ANO10: variants seen among roughly 807,000 people sequenced by gnomAD.
The protein encoded by ANO10 is anoctamin-10.
ANO10 carries 77 observed loss-of-function variants against 74.7 expected under a neutral mutation model. The ratio of observed to expected loss-of-function variants is 1.03; its 90% CI spans 0.86 to 1.25. The LOEUF (loss-of-function observed/expected upper bound fraction) is 1.25, where lower values mean the gene tolerates loss of function less well. Ranked by LOEUF, ANO10 falls within the 50% of genes most tolerant of loss-of-function variation. The pLI, the probability that ANO10 is intolerant of heterozygous loss-of-function variation, is 0.00. For missense variants in ANO10, 721 were observed against 778.1 expected, an observed-to-expected ratio of 0.93 and a Z score of 0.87; for synonymous variants, 279 against 284.9, an observed-to-expected ratio of 0.98 and a Z score of 0.21.
chr3:43,385,449 AC>A (rs1213925144), intron 12 of ANO10, among the ~76,000 whole-genome samples: 2 of 152,194 alleles, frequency 1.3e-5, no homozygotes, highest in African/African-American at 4.8e-5. Context: ...CGAAAAAGAT[AC>A]TTGTAAATGC....
intron 12 of ANO10, among the ~76,000 whole-genome samples, chr3:43,404,769 A>G (rs2092544548): frequency 1.3e-5 from 2 of 150,714 alleles, no homozygotes; most frequent in South Asian, 4.3e-4. Context: ...CTGTGGTCTC[A>G]GGTACTCAGG....
At chr3:43,602,182 T>C (rs545476742) in intron 2 of ANO10, among the ~76,000 whole-genome samples, 1 of 152,284 alleles carries the variant, frequency 6.6e-6, no homozygotes, top group Admixed American at 6.5e-5. Flanking sequence ...TGCCCCCTCC[T>C]CCTTCTTTCC....
intron 11 of ANO10, among the ~76,000 whole-genome samples, chr3:43,434,224 C>A (rs1404645524): frequency 6.6e-6 from 1 of 152,198 alleles, no homozygotes; most frequent in African/African-American, 2.4e-5. Flanking sequence ...GTAAATGTGA[C>A]TGCCATGACC....
At chr3:43,587,219 C>T (rs1311683929) in intron 4 of ANO10, among the ~76,000 whole-genome samples, 1 of 152,150 alleles carries the variant, frequency 6.6e-6, no homozygotes, top group African/African-American at 2.4e-5. Context: ...AAAAGCCATA[C>T]AGATCAACAA....
chr3:43,438,407 AC>A (rs1326006942), intron 11 of ANO10, among the ~76,000 whole-genome samples: 1 of 151,880 alleles, frequency 6.6e-6, no homozygotes, highest in African/African-American at 2.4e-5. Context: ...TCACACCACC[AC>A]ACTCCAGCCT....
intron 1 of ANO10, among the ~76,000 whole-genome samples, chr3:43,612,140 T>TATATATA (rs2082851608): frequency 1.5e-5 from 1 of 64,552 alleles, no homozygotes; most frequent in Admixed American, 2.0e-4. Flanking sequence ...ATTAAATATT[T>TATATATA]TATATATATA....
chr3:43,627,600 G>T (rs934331529), intron 1 of ANO10, among the ~76,000 whole-genome samples: 1 of 152,234 alleles, frequency 6.6e-6, no homozygotes, highest in Non-Finnish European at 1.5e-5. Context: ...GCCACAGGAG[G>T]ATGGTTTCCT....
At chr3:43,574,490 C>T (rs1396304249) in intron 7 of ANO10, among the ~76,000 whole-genome samples, 2 of 152,036 alleles carry the variant, frequency 1.3e-5, no homozygotes, top group Non-Finnish European at 1.5e-5. Context: ...AGGCTGGTCT[C>T]GAACTCTTGA....
At chr3:43,611,478 T>C (rs1371458668) in intron 1 of ANO10, among the ~76,000 whole-genome samples, 4 of 152,226 alleles carry the variant, frequency 2.6e-5, no homozygotes, top group Non-Finnish European at 5.9e-5. Context: ...GTTAATTATG[T>C]CTAACTATTA....
rs373409734 is a variant in ANO10 at position 43,404,816 on chromosome 3, G to C, written c.1914+27795C>G. ...GAAGATCATTTGAGCCCAGGAAGTT[G>C]AGGCTGCAATGAGCCACTGCATTCC... On this transcript the variant is annotated intron_variant, in intron 12 of 12. Coordinates refer to ENST00000292246, the MANE Select transcript of ANO10 (RefSeq NM_018075.5). 2.1e-5 allele frequency among the ~76,000 whole-genome samples: 3 copies of C among 144,846 alleles called. No homozygotes were observed. In the East Asian group the frequency reaches 6.6e-4, roughly 32 times the overall value.
At chr3:43,659,816 C>A (rs1242086903) in intron 1 of ANO10, among the ~76,000 whole-genome samples, 1 of 152,162 alleles carries the variant, frequency 6.6e-6, no homozygotes, top group Admixed American at 6.5e-5. Context: ...CTGGAAGATG[C>A]CTCCCAGTAG....
intron 11 of ANO10, among the ~76,000 whole-genome samples, chr3:43,547,492 G>A (rs2079250506): frequency 6.6e-6 from 1 of 152,058 alleles, no homozygotes; most frequent in Non-Finnish European, 1.5e-5. Context: ...ATGCTTCCTG[G>A]CTTCTTCCTA....
intron 11 of ANO10, among the ~76,000 whole-genome samples, chr3:43,462,605 G>T (rs778135659): frequency 7.2e-5 from 11 of 152,136 alleles, no homozygotes; most frequent in Non-Finnish European, 1.3e-4. Flanking sequence ...TGATAGAAAA[G>T]AAAATCCCAT....
At chr3:43,384,007 T>C (rs183031400) in intron 12 of ANO10, among the ~76,000 whole-genome samples, 1 of 152,266 alleles carries the variant, frequency 6.6e-6, no homozygotes, top group East Asian at 1.9e-4. Context: ...CACGATCATA[T>C]ACCTAAAAAA....
At chr3:43,423,035 C>A (rs1400844533) in intron 12 of ANO10, among the ~76,000 whole-genome samples, 1 of 151,110 alleles carries the variant, frequency 6.6e-6, no homozygotes, top group African/African-American at 2.4e-5. Context: ...TTTTAGAATT[C>A]TTTCTTGCGT....
rs558020653 is a variant in ANO10 at position 43,504,357 on chromosome 3, G to A, written c.1797+45363C>T. Among the ~76,000 whole-genome samples the A allele has an allele frequency of 1.3e-3, 175 of 138,884 alleles. 1 individual carries two copies. Among genetic ancestry groups the A allele is most frequent in the Admixed American group, 2.7e-3 (37 of 13,764 alleles). The allele number at this position is 138,884 out of a possible 152,430, so 91.1% of individuals were successfully genotyped here. A position where few individuals can be genotyped will look rare whatever the true frequency, so the allele number is the denominator to read the frequency against. On this transcript the variant is annotated intron_variant, in intron 11 of 12. Transcript: ENST00000292246. ...ATAGATAGATAGATAAAAATAAAGC[G>A]TTGGGGATCTAAAGTGTGATCTACA...
intron 1 of ANO10, among the ~76,000 whole-genome samples, chr3:43,662,782 G>A (rs929960016): frequency 3.3e-5 from 5 of 151,978 alleles, no homozygotes; most frequent in Admixed American, 6.6e-5. Context: ...AAATAAACTA[G>A]AAAAACTAGA....
At chr3:43,684,017 T>C (rs979280779) in intron 1 of ANO10, among the ~76,000 whole-genome samples, 6 of 152,166 alleles carry the variant, frequency 3.9e-5, no homozygotes, top group African/African-American at 1.4e-4. Flanking sequence ...GACATAGTCA[T>C]GGACAAGGAC....
chr3:43,432,037 C>G (rs950560498), intron 12 of ANO10, among the ~76,000 whole-genome samples: 1 of 151,876 alleles, frequency 6.6e-6, no homozygotes, highest in Non-Finnish European at 1.5e-5. Flanking sequence ...GTGAGAGATA[C>G]TCCAGGTGTC....
Sources: allele counts gnomAD v4.1 joint callset (sites outside exome capture counted in the v4.1 genomes callset), GRCh38; gene constraint gnomAD v4.1.1; transcripts MANE v1.5; gene names NCBI Gene and HGNC (gene_info 2026-07-23, HGNC 2026-07-21).